RPTOR: variants seen among roughly 807,000 people sequenced by gnomAD.
The protein encoded by RPTOR is regulatory-associated protein of mTOR.
RPTOR carries 21 observed loss-of-function variants against 169.9 expected under a neutral mutation model. That is an observed-to-expected ratio of 0.12 (90% CI 0.09 to 0.18). The LOEUF is 0.18. RPTOR is among the 10% of genes least tolerant of loss of function. The pLI, the probability that RPTOR is intolerant of heterozygous loss-of-function variation, is 1.00. For synonymous variants in RPTOR, 732 were observed against 753.2 expected (o/e 0.97, Z 0.46); for missense variants, 1,133 against 1,855.9 (o/e 0.61, Z 7.16).
intron 4 of RPTOR, among the ~76,000 whole-genome samples, chr17:80,722,261 G>A (rs2143164271): frequency 6.6e-6 from 1 of 151,214 alleles, no homozygotes; most frequent in Admixed American, 6.6e-5. Flanking sequence ...TGAATTTGAG[G>A]TGTCACAGGC....
rs377400128 is a variant in RPTOR at position 80,809,370 on chromosome 17, T to G, written c.891-12831T>G. 6.6e-4 allele frequency among the ~76,000 whole-genome samples: 101 copies of G among 152,206 alleles called. 1 individual carries two copies. The highest frequency in any genetic ancestry group is 2.3e-3 in the African/African-American group (95 of 41,528). ...CCACGCCCAGCTGATTTTTTGTATT[T>G]TTAGTAGAGATGGGGTTTCACCATG... On this transcript the variant is annotated intron_variant, in intron 7 of 33. Transcript: ENST00000306801.
In RPTOR at chr17:80,964,263, C is replaced by G. The variant is rs1177338282; in HGVS notation, c.3941C>G (p.Pro1314Arg). Reference sequence around the variant, plus strand: ...CTCACCCCTTCTCTCTCCTTGCAGCCTCACCTGGCCGTGGGAAGCAACGAC... The same window carrying G: ...CTCACCCCTTCTCTCTCCTTGCAGCGTCACCTGGCCGTGGGAAGCAACGAC... ...ISCLAFHPHW[P>R]HLAVGSNDYY... The change falls in exon 34 of 34, where the codon CCT becomes CGT. Residue 1314 changes from proline (P) to arginine (R), a missense_variant and splice_region_variant. Pro to Arg is a moderately radical substitution (Grantham distance 103, BLOSUM62 -2). Around this residue, in one of 9 missense-constraint regions of RPTOR, gnomAD observed 410 missense variants for 623.7 expected, o/e 0.66. Transcript: ENST00000306801. 2 of 1,606,542 alleles carry G rather than the reference C, an allele frequency of 1.2e-6. No homozygotes were observed. The highest frequency in any genetic ancestry group is 1.1e-5 in the South Asian group (1 of 91,048).
At chr17:80,557,601 T>C (rs1371327028) in intron 1 of RPTOR, among the ~76,000 whole-genome samples, 1 of 152,180 alleles carries the variant, frequency 6.6e-6, no homozygotes, top group Non-Finnish European at 1.5e-5. Context: ...TCAGGAGAGC[T>C]GAAGTTTGAT....
chr17:80,768,076 A>G (rs2066805448), intron 6 of RPTOR, among the ~76,000 whole-genome samples: 1 of 152,058 alleles, frequency 6.6e-6, no homozygotes, highest in Non-Finnish European at 1.5e-5. Context: ...GTTAGCCAGG[A>G]TGGTCTCGAT....
In RPTOR at chr17:80,708,750, G is replaced by A. The variant is rs1438122931; in HGVS notation, c.507+751G>A. On this transcript the variant is annotated intron_variant, in intron 4 of 33. Coordinates refer to ENST00000306801, the MANE Select transcript of RPTOR (RefSeq NM_020761.3). This position sits in a 1 kb window ranked among gnomAD's most constrained non-coding sequence, Gnocchi z 4.2. The stretch of plus-strand genomic sequence containing the variant: ...GGTCTGTCTCAGAGCAGCCAGCTAT[G>A]GGTCTCACTGCGCTCTGCGTGATGC... 6.6e-6 allele frequency among the ~76,000 whole-genome samples: 1 copy of A among 152,228 alleles called. No homozygotes were observed. Among genetic ancestry groups the A allele is most frequent in the Non-Finnish European group, 1.5e-5 (1 of 68,038 alleles).
At chr17:80,675,757 C>G (rs565608796) in intron 3 of RPTOR, among the ~76,000 whole-genome samples, 1 of 152,202 alleles carries the variant, frequency 6.6e-6, no homozygotes, top group Admixed American at 6.5e-5. Flanking sequence ...CCAGCACATC[C>G]GTGAATTTCA....
At chr17:80,736,466 T>C (rs2066434447) in intron 5 of RPTOR, among the ~76,000 whole-genome samples, 1 of 152,168 alleles carries the variant, frequency 6.6e-6, no homozygotes, top group Non-Finnish European at 1.5e-5. Flanking sequence ...AAACCTATAC[T>C]TAAACTGATA....
At chr17:80,875,826 G>T (rs1022120569) in intron 13 of RPTOR, among the ~76,000 whole-genome samples, 1 of 139,310 alleles carries the variant, frequency 7.2e-6, no homozygotes, top group Non-Finnish European at 1.5e-5. Flanking sequence ...CACCGAGCCC[G>T]TGCCGCCCAG....
chr17:80,874,813 A>G (rs1223122594), intron 13 of RPTOR, among the ~76,000 whole-genome samples: 1 of 152,122 alleles, frequency 6.6e-6, no homozygotes, highest in African/African-American at 2.4e-5. Context: ...CGTTACGGTA[A>G]CACACCACCG....
intron 6 of RPTOR, among the ~76,000 whole-genome samples, chr17:80,780,547 G>C (rs548520949): frequency 6.6e-6 from 1 of 152,310 alleles, no homozygotes; most frequent in East Asian, 1.9e-4. Flanking sequence ...ATTAGTGGAG[G>C]ACATCTCGGC....
intron 1 of RPTOR, among the ~76,000 whole-genome samples, chr17:80,558,156 C>T (rs1464475965): frequency 6.6e-6 from 1 of 152,024 alleles, no homozygotes; most frequent in Non-Finnish European, 1.5e-5. Flanking sequence ...AAAAAATTAG[C>T]CGGGCATGGT....
At chr17:80,896,604 AGCTGCGGGG>A (rs901242413) in intron 20 of RPTOR, among the ~76,000 whole-genome samples, 6 of 151,126 alleles carry the variant, frequency 4.0e-5, no homozygotes, top group East Asian at 3.9e-4. Flanking sequence ...GTCACACCAC[AGCTGCGGGG>A]GCAGCACCTT....
chr17:80,781,995 C>T (rs971573700), intron 6 of RPTOR, among the ~76,000 whole-genome samples: 5 of 152,328 alleles, frequency 3.3e-5, no homozygotes, highest in South Asian at 2.1e-4. Flanking sequence ...GGAGCCACCT[C>T]GGTTTTGTCC....
At chr17:80,698,367 A>C (rs866226386) in intron 3 of RPTOR, among the ~76,000 whole-genome samples, 15 of 151,574 alleles carry the variant, frequency 9.9e-5, no homozygotes, top group African/African-American at 3.6e-4. Flanking sequence ...CGTGGAGGAT[A>C]GCGTGAAAAG....
chr17:80,640,891 A>C (rs2065548471), intron 2 of RPTOR, among the ~76,000 whole-genome samples: 1 of 152,262 alleles, frequency 6.6e-6, no homozygotes, highest in African/African-American at 2.4e-5. Context: ...TTTTCTGACC[A>C]TAGATGACAG....
Position 80,747,411 on chromosome 17 carries a change from G to A in RPTOR, c.655-6599G>A, listed in dbSNP as rs180728762. On this transcript the variant is annotated intron_variant, in intron 5 of 33. Coordinates refer to ENST00000306801, the MANE Select transcript of RPTOR (RefSeq NM_020761.3). ...CCTGTCACTTGCTGTTGGAACCTCT[G>A]CAGCCAGAGGGCATGTCTTCTTGTC... is the stretch of plus-strand genomic sequence containing the variant. Among the ~76,000 whole-genome samples, 1,350 of 152,304 alleles carry A rather than the reference G, an allele frequency of 8.9e-3. 71 individuals carry two copies. The highest frequency in any genetic ancestry group is 0.078 in the Admixed American group (1,186 of 15,294).
chr17:80,735,493 G>A (rs1338440304), intron 5 of RPTOR, among the ~76,000 whole-genome samples: 1 of 152,198 alleles, frequency 6.6e-6, no homozygotes, highest in African/African-American at 2.4e-5. Context: ...TAGAAAGGAA[G>A]GTGAAGTCTT....
chr17:80,863,788 C>T (rs117463941), intron 13 of RPTOR, among the ~76,000 whole-genome samples: 3,677 of 152,242 alleles, frequency 0.024, 64 homozygotes, highest in Non-Finnish European at 0.037. Flanking sequence ...TGCATGTTGG[C>T]GCGTGCCTGT....
chr17:80,938,975 C>T (rs1477230029), intron 24 of RPTOR, among the ~76,000 whole-genome samples: 3 of 152,242 alleles, frequency 2.0e-5, no homozygotes, highest in Non-Finnish European at 4.4e-5. Context: ...CGTGCAAGGA[C>T]GCAAACACGG....
Sources: allele counts gnomAD v4.1 joint callset (sites outside exome capture counted in the v4.1 genomes callset), GRCh38; gene constraint gnomAD v4.1.1; regional missense constraint gnomAD v4.1.1; non-coding constraint Gnocchi (gnomAD v3.1); transcripts MANE v1.5; gene names NCBI Gene and HGNC (gene_info 2026-07-23, HGNC 2026-07-21).